The following ARMC3 variants were observed in gnomAD, a reference collection of about 807,000 sequenced individuals.
ARMC3 encodes armadillo repeat containing 3, also known as armadillo repeat-containing protein 3.
In ARMC3, 74 loss-of-function variants were observed where a neutral mutation model predicts 90.3. The ratio of observed to expected loss-of-function variants is 0.82; its 90% CI spans 0.68 to 0.99. ARMC3 has a LOEUF of 0.99. Ranked by LOEUF, ARMC3 falls within the 50% of genes least tolerant of loss-of-function variation. ARMC3 has a pLI of 0.00. For missense variants in ARMC3, 958 were observed against 1,042.8 expected, an observed-to-expected ratio of 0.92 and a Z score of 1.12; for synonymous variants, 334 against 361.8, an observed-to-expected ratio of 0.92 and a Z score of 0.87.
intron 13 of ARMC3, 24 bp downstream of exon 13, chr10:23,003,438 G>C (rs1211417993): frequency 6.4e-7 from 1 of 1,555,028 alleles, no homozygotes; most frequent in East Asian, 2.3e-5. Flanking sequence ...TTTATTTGTA[G>C]TTTAGTATGT....
chr10:22,959,265 A>G, intron 5 of ARMC3, 127 bp downstream of exon 5: 3 of 1,315,394 alleles, frequency 2.3e-6, no homozygotes, highest in Non-Finnish European at 3.2e-6. Flanking sequence ...CCACAGCTCA[A>G]TTTTGAGTTT....
intron 8 of ARMC3, among the ~76,000 whole-genome samples, chr10:22,973,753 C>CTTTTTTTTTTTTTTTTTTTTTTT (rs56405413): frequency 1.0e-4 from 8 of 79,920 alleles, no homozygotes; most frequent in Admixed American, 1.4e-4. Context: ...CTTTGTCTTT[C>CTTTTTTTTTTTTTTTTTTTTTTT]TTTTTTTTTT....
chr10:23,024,419 TAGAC>T (rs71395824), intron 16 of ARMC3, among the ~76,000 whole-genome samples: 58,849 of 150,996 alleles, frequency 0.39, 12,606 homozygotes, highest in Non-Finnish European at 0.48. Flanking sequence ...GATAGATAGA[TAGAC>T]AGATAGATAG....
intron 10 of ARMC3, among the ~76,000 whole-genome samples, chr10:22,983,976 G>A (rs1297282603): frequency 6.6e-6 from 1 of 152,160 alleles, no homozygotes; most frequent in East Asian, 1.9e-4. Context: ...ATTTCCCCAG[G>A]AAGCATCGTG....
At chr10:23,028,468 T>C (rs1838804408) in intron 16 of ARMC3, among the ~76,000 whole-genome samples, 1 of 152,236 alleles carries the variant, frequency 6.6e-6, no homozygotes, top group African/African-American at 2.4e-5. Context: ...GATTGTCTTA[T>C]CCTATATGAG....
chr10:22,959,805 A>G lies in ARMC3; in HGVS notation c.537+231A>G, dbSNP rs1215369553. On this transcript the variant is annotated intron_variant, in intron 6 of 18. Transcript: ENST00000298032. ...CTGTGAAAAAGTATTTTGGAAATGT[A>G]TTTGTTTTTAAAGAATAGAATGGCA... 8.4e-6 allele frequency: 5 copies of G among 597,354 alleles called. No homozygotes were observed. The African/African-American group carries it at 9.2e-5, about 11-fold the overall frequency. The allele number at this position is 597,354 out of a possible 1,614,324, so 37.0% of individuals were successfully genotyped here. A position where few individuals can be genotyped will look rare whatever the true frequency, so the allele number is the denominator to read the frequency against.
In ARMC3 at chr10:23,030,789, C is replaced by G. The variant is rs1383507794; in HGVS notation, c.2239C>G (p.Leu747Val). The part of the protein sequence containing the change: ...ITNIKEQIED[L>V]AKYVAEKMGG... ...CAATATTAAGGAACAGATTGAGGAT[C>G]TGGCAAAGTAAGTTGTCTATGTATA... The change falls in exon 17 of 19, where the codon CTG (leucine) becomes GTG (valine). Residue 747 changes from leucine (L) to valine (V), a missense_variant. Physicochemically the swap from Leu to Val is conservative, Grantham distance 32 (BLOSUM62 1). Coordinates refer to ENST00000298032, the MANE Select transcript of ARMC3 (RefSeq NM_173081.5). 1.2e-6 allele frequency: 2 copies of G among 1,613,214 alleles called. No homozygotes were observed. Among genetic ancestry groups the G allele is most frequent in the African/African-American group, 1.3e-5 (1 of 74,852 alleles).
intron 10 of ARMC3, among the ~76,000 whole-genome samples, chr10:22,987,321 A>G (rs1836494588): frequency 6.6e-6 from 1 of 152,206 alleles, no homozygotes; most frequent in Non-Finnish European, 1.5e-5. Context: ...AGAATGTTTT[A>G]AACTATTACT....
intron 18 of ARMC3, among the ~76,000 whole-genome samples, chr10:23,033,453 G>T (rs1261940548): frequency 6.6e-6 from 1 of 152,142 alleles, no homozygotes; most frequent in East Asian, 1.9e-4. Flanking sequence ...GCTGCACAGG[G>T]TTTATCAAGT....
intron 18 of ARMC3, among the ~76,000 whole-genome samples, chr10:23,036,981 T>C (rs1291498312): frequency 6.6e-6 from 1 of 152,198 alleles, no homozygotes; most frequent in African/African-American, 2.4e-5. Flanking sequence ...GTGCACAGAA[T>C]AGCTTTTTTC....
At chr10:23,013,111 G>A (rs1335721406) in intron 16 of ARMC3, among the ~76,000 whole-genome samples, 1 of 151,974 alleles carries the variant, frequency 6.6e-6, no homozygotes, top group Non-Finnish European at 1.5e-5. Flanking sequence ...GCTGGCCAGA[G>A]TGGTCTCAAA....
At chr10:22,978,879 A>G (rs1156948200) in intron 8 of ARMC3, among the ~76,000 whole-genome samples, 1 of 152,222 alleles carries the variant, frequency 6.6e-6, no homozygotes, top group Non-Finnish European at 1.5e-5. Flanking sequence ...AGACAAGGTC[A>G]TGCATTGTCA....
intron 6 of ARMC3, chr10:22,961,641 T>C (rs1354206114): frequency 2.6e-6 from 1 of 390,862 alleles, no homozygotes; most frequent in African/African-American, 2.1e-5. Context: ...TAATAAACAA[T>C]AGATAAAAGT....
intron 10 of ARMC3, among the ~76,000 whole-genome samples, chr10:22,983,983 C>A (rs554222720): frequency 6.6e-6 from 1 of 152,118 alleles, no homozygotes; most frequent in African/African-American, 2.4e-5. Context: ...CAGGAAGCAT[C>A]GTGGCTTTGC....
chr10:22,957,231 C>G (rs528475055), intron 4 of ARMC3, among the ~76,000 whole-genome samples: 1 of 152,172 alleles, frequency 6.6e-6, no homozygotes, highest in Non-Finnish European at 1.5e-5. Context: ...GACAGTGAGG[C>G]CTCCTTATTC....
chr10:22,974,590 A>G (rs1439655219), intron 8 of ARMC3, among the ~76,000 whole-genome samples: 1 of 152,052 alleles, frequency 6.6e-6, no homozygotes, highest in Non-Finnish European at 1.5e-5. Flanking sequence ...TGATGTTTCT[A>G]AGATCAATAA....
In ARMC3 at chr10:22,991,645, A is replaced by G. The variant is rs138124688; in HGVS notation, c.1176-6503A>G. Among the ~76,000 whole-genome samples, 85 of 152,280 alleles carry G rather than the reference A, an allele frequency of 5.6e-4. 1 individual carries two copies. Among genetic ancestry groups the G allele is most frequent in the African/African-American group, 1.9e-3 (77 of 41,540 alleles). ...ATTGCAGAATTGTTACAGTATAGGTAAACTTCAAACAGCACAATGTGGAAA... is the reference window on the plus strand; with the variant it reads ...ATTGCAGAATTGTTACAGTATAGGTGAACTTCAAACAGCACAATGTGGAAA... On this transcript the variant is annotated intron_variant, in intron 10 of 18. Coordinates refer to ENST00000298032, the MANE Select transcript of ARMC3 (RefSeq NM_173081.5).
At chr10:22,928,618 G>C (rs912609264) in intron 1 of ARMC3, among the ~76,000 whole-genome samples, 7 of 152,144 alleles carry the variant, frequency 4.6e-5, no homozygotes, top group African/African-American at 1.7e-4. Context: ...TACTGCTAGA[G>C]ATTTATCCTA....
chr10:22,931,170 G>A (rs1409551418), intron 1 of ARMC3, among the ~76,000 whole-genome samples: 6 of 152,008 alleles, frequency 3.9e-5, no homozygotes, highest in South Asian at 2.1e-4. Flanking sequence ...CTCGTGATTC[G>A]CCCACCTCGG....
Sources: allele counts gnomAD v4.1 joint callset (sites outside exome capture counted in the v4.1 genomes callset), GRCh38; gene constraint gnomAD v4.1.1; transcripts MANE v1.5; gene names NCBI Gene and HGNC (gene_info 2026-07-23, HGNC 2026-07-21).